DPH6: variants seen among roughly 807,000 people sequenced by gnomAD.
DPH6 encodes the protein diphthine--ammonia ligase.
Under a neutral mutation model 38.2 loss-of-function variants are expected in DPH6, and 33 were observed. The observed-to-expected ratio is 0.86, with a 90% CI of 0.65 to 1.15. DPH6 has a LOEUF of 1.15. Ranked by LOEUF, DPH6 falls within the 50% of genes most tolerant of loss-of-function variation. The pLI, the probability that DPH6 is intolerant of heterozygous loss-of-function variation, is 0.00. For missense variants in DPH6, 325 were observed against 320.0 expected (o/e 1.02, Z -0.12); for synonymous variants, 108 against 103.0 (o/e 1.05, Z -0.30).
At chr15:35,423,036 C>A (rs1407982433) in intron 5 of DPH6, among the ~76,000 whole-genome samples, 2 of 151,778 alleles carry the variant, frequency 1.3e-5, no homozygotes, top group East Asian at 3.9e-4. Flanking sequence ...GTGCAGATAT[C>A]TCTTGGAGAT....
At chr15:35,539,705 T>G (rs2055223543) in intron 2 of DPH6, among the ~76,000 whole-genome samples, 1 of 152,050 alleles carries the variant, frequency 6.6e-6, no homozygotes, top group Non-Finnish European at 1.5e-5. Context: ...TATACCTATG[T>G]GTGTATGTAT....
chr15:35,389,025 G>T (rs2053014102), intron 6 of DPH6, among the ~76,000 whole-genome samples: 2 of 152,038 alleles, frequency 1.3e-5, no homozygotes, highest in Admixed American at 6.6e-5. Context: ...GTGTCCCAGA[G>T]ATTCTGGTAT....
chr15:35,174,147 C>T, the DPH6 span, among the ~76,000 whole-genome samples: 20 of 152,200 alleles, frequency 1.3e-4, no homozygotes, highest in African/African-American at 3.9e-4. Context: ...GTACAATGTC[C>T]AACCAGTAAA....
intron 3 of DPH6, among the ~76,000 whole-genome samples, chr15:35,225,972 C>T (rs146064819): frequency 1.3e-5 from 2 of 152,182 alleles, no homozygotes; most frequent in East Asian, 3.9e-4. Context: ...TATTGCTGGG[C>T]ATGGTGGCAT....
At chr15:35,356,521 G>T (rs953149595) in intron 3 of DPH6, among the ~76,000 whole-genome samples, 3 of 152,192 alleles carry the variant, frequency 2.0e-5, no homozygotes, top group Admixed American at 2.0e-4. Flanking sequence ...CTCAGCTGCA[G>T]GTCTGTTGGA....
intron 3 of DPH6, among the ~76,000 whole-genome samples, chr15:35,513,814 A>ATATATATATATATATATATATAT (rs1595433429): frequency 3.9e-5 from 6 of 152,178 alleles, no homozygotes; most frequent in East Asian, 1.9e-4. Flanking sequence ...GAACATTATA[A>ATATATATATATATATATATATAT]CACTCGAATA....
intron 5 of DPH6, among the ~76,000 whole-genome samples, chr15:35,425,673 GTA>G (rs2053559928): frequency 1.5e-5 from 1 of 68,882 alleles, no homozygotes; most frequent in Non-Finnish European, 2.6e-5. Flanking sequence ...AAGTGTGTGT[GTA>G]TGTGTGTGTG....
At chr15:35,380,516 T>C (rs766947255) in intron 7 of DPH6, among the ~76,000 whole-genome samples, 1 of 152,232 alleles carries the variant, frequency 6.6e-6, no homozygotes, top group Non-Finnish European at 1.5e-5. Flanking sequence ...AAAGTATTAT[T>C]CTTTGGCATG....
At position 35,370,899 on chromosome 15, in the gene DPH6, G is replaced by A. The variant is rs2052705684; in HGVS notation, c.*1251C>T. ...AACCTGTTCATGGATGTTTATAGTC[G>A]CTTTATTCATAATCGCCAAAACATG... is the stretch of plus-strand genomic sequence containing the variant. On this transcript the variant is annotated 3_prime_UTR_variant, in exon 9 of 9. Transcript: ENST00000256538. 2 of 151,436 alleles carry A rather than the reference G, an allele frequency of 1.3e-5. No individual in the cohort carries two copies. The highest frequency in any genetic ancestry group is 6.6e-5 in the Admixed American group (1 of 15,170). 9.4% of individuals were successfully genotyped at this position (151,436 alleles called of 1,614,324 possible). A position where few individuals can be genotyped will look rare whatever the true frequency, so the allele number is the denominator to read the frequency against.
chr15:35,478,366 TACACACACACAC>T (rs66521447), intron 3 of DPH6, among the ~76,000 whole-genome samples: 7 of 142,060 alleles, frequency 4.9e-5, no homozygotes, highest in South Asian at 2.2e-4. Flanking sequence ...TACCCACACA[TACACACACACAC>T]ACACACACAC....
rs1431646045 is a variant in DPH6, at chr15:35,240,110, C to G, written n.201-19528G>C. On this transcript the variant is annotated intron_variant and non_coding_transcript_variant, in intron 3 of 3. Transcript: ENST00000560386. ...TGTTCTCAAAAACTTAAAACCTCTTCAACTCACACCTGACCTAAAACCTAA... is the reference window on the plus strand; with the variant it reads ...TGTTCTCAAAAACTTAAAACCTCTTGAACTCACACCTGACCTAAAACCTAA... Among the ~76,000 whole-genome samples the G allele has an allele frequency of 1.3e-4, 18 of 142,912 alleles. 1 individual carries two copies. In the East Asian group the frequency reaches 3.9e-3, roughly 31 times the overall value. The allele number at this position is 142,912 out of a possible 152,430, so 93.8% of individuals were successfully genotyped here.
chr15:35,479,179 C>A (rs183132377), intron 3 of DPH6, among the ~76,000 whole-genome samples: 60 of 152,136 alleles, frequency 3.9e-4, no homozygotes, highest in Non-Finnish European at 5.9e-4. Context: ...TCACTGAGTG[C>A]AACTTTTCAA....
At chr15:35,213,834 C>A (rs145823032), downstream of DPH6, among the ~76,000 whole-genome samples, 4,354 of 152,254 alleles carry the variant, frequency 0.029, 202 homozygotes, top group African/African-American at 0.1. Flanking sequence ...AAGAAGAGGC[C>A]GGGCGCGGTG....
chr15:35,336,040 C>T (rs1566873140), intron 3 of DPH6, among the ~76,000 whole-genome samples: 1 of 148,776 alleles, frequency 6.7e-6, no homozygotes, highest in African/African-American at 2.4e-5. Flanking sequence ...CCATTTGTGT[C>T]CTCTGATTTC....
chr15:35,306,841 G>A (rs948135779), intron 3 of DPH6, among the ~76,000 whole-genome samples: 1 of 152,148 alleles, frequency 6.6e-6, no homozygotes, highest in Admixed American at 6.5e-5. Context: ...CACCCAACAT[G>A]TTCAGTCTGA....
intron 5 of DPH6, among the ~76,000 whole-genome samples, chr15:35,421,382 T>G (rs974364653): frequency 5.3e-5 from 8 of 152,188 alleles, no homozygotes; most frequent in African/African-American, 1.9e-4. Flanking sequence ...AGATTCACTT[T>G]TAAGATCAAT....
chr15:35,530,584 A>C (rs547967963), intron 3 of DPH6, among the ~76,000 whole-genome samples: 17 of 152,346 alleles, frequency 1.1e-4, no homozygotes, highest in African/African-American at 4.1e-4. Context: ...CAATATATAC[A>C]CACAATCACT....
chr15:35,292,787 T>C (rs1298055079), intron 3 of DPH6, among the ~76,000 whole-genome samples: 1 of 152,204 alleles, frequency 6.6e-6, no homozygotes, highest in African/African-American at 2.4e-5. Context: ...TGAACAACTT[T>C]TTTGAGATGG....
chr15:35,492,353 G>C (rs954693064), intron 3 of DPH6, among the ~76,000 whole-genome samples: 2 of 152,092 alleles, frequency 1.3e-5, no homozygotes, highest in Non-Finnish European at 2.9e-5. Flanking sequence ...CACTATCACA[G>C]AGGACAATAA....
Sources: gnomAD v4.1 joint callset for allele counts (sites outside exome capture counted in the v4.1 genomes callset) on GRCh38, gnomAD v4.1.1 for gene constraint, MANE v1.5 for transcripts, NCBI Gene and HGNC (gene_info 2026-07-23, HGNC 2026-07-21) for gene names.